The following FER variants were observed in gnomAD, a reference collection of about 807,000 sequenced individuals.
FER encodes tyrosine-protein kinase Fer.
FER carries 63 observed loss-of-function variants against 111.0 expected under a neutral mutation model. That is an observed-to-expected ratio of 0.57 (90% confidence interval 0.46 to 0.70). The LOEUF (loss-of-function observed/expected upper bound fraction) is 0.70, where lower values mean the gene tolerates loss of function less well. Among genes scored for constraint, FER ranks in the 30% least tolerant of loss-of-function variants. The pLI is 0.00. For synonymous variants in FER, 327 were observed against 313.9 expected (o/e 1.04, Z -0.44); for missense variants, 914 against 954.0 (o/e 0.96, Z 0.55).
intron 13 of FER, among the ~76,000 whole-genome samples, chr5:109,007,333 T>A (rs1042583973): frequency 8.5e-5 from 13 of 152,168 alleles, no homozygotes; most frequent in African/African-American, 1.2e-4. Flanking sequence ...ACATTTTACA[T>A]AGAGAAGTGA....
chr5:108,766,121 G>A (rs1035552542), intron 1 of FER, among the ~76,000 whole-genome samples: 2 of 151,886 alleles, frequency 1.3e-5, no homozygotes, highest in African/African-American at 2.4e-5. Flanking sequence ...TTGTAGAGAC[G>A]GGCTCTCACT....
At chr5:108,837,526 C>T (rs1760795195) in intron 5 of FER, among the ~76,000 whole-genome samples, 1 of 152,136 alleles carries the variant, frequency 6.6e-6, no homozygotes, top group Non-Finnish European at 1.5e-5. Flanking sequence ...TGCAAATATC[C>T]ATATCTAACT....
intron 17 of FER, among the ~76,000 whole-genome samples, chr5:109,122,647 G>A (rs186590450): frequency 5.4e-4 from 82 of 152,288 alleles, no homozygotes; most frequent in Non-Finnish European, 7.9e-4. Context: ...TGGATGGTAT[G>A]TCCAATGCGG....
intron 16 of FER, among the ~76,000 whole-genome samples, chr5:109,094,844 G>A (rs985103912): frequency 6.6e-6 from 1 of 152,008 alleles, no homozygotes; most frequent in Admixed American, 6.6e-5. Flanking sequence ...TTCCCTCATC[G>A]GTAATATGAA....
intron 13 of FER, among the ~76,000 whole-genome samples, chr5:108,974,127 A>G (rs1198552815): frequency 6.6e-6 from 1 of 152,214 alleles, no homozygotes; most frequent in Non-Finnish European, 1.5e-5. Flanking sequence ...GTTGCTTAGT[A>G]TATCATAGAA....
At chr5:109,182,296 A>T (rs1468921027) in intron 18 of FER, among the ~76,000 whole-genome samples, 2 of 152,194 alleles carry the variant, frequency 1.3e-5, no homozygotes, top group African/African-American at 2.4e-5. Flanking sequence ...TGACCCAGCT[A>T]CCACAGATGC....
intron 2 of FER, among the ~76,000 whole-genome samples, chr5:108,771,185 C>T (rs559821377): frequency 9.1e-4 from 138 of 152,272 alleles, no homozygotes; most frequent in African/African-American, 3.2e-3. Flanking sequence ...CCACCTGCCT[C>T]GGCCTCCCAA....
intron 5 of FER, among the ~76,000 whole-genome samples, chr5:108,845,067 T>TATACATATATATATATATACACAC (rs1486282738): frequency 1.9e-5 from 1 of 53,856 alleles, no homozygotes; most frequent in Admixed American, 2.1e-4. Flanking sequence ...TATATATATA[T>TATACATATATATATATATACACAC]ACACACACAC....
intron 5 of FER, among the ~76,000 whole-genome samples, chr5:108,860,971 A>G (rs993228519): frequency 1.3e-5 from 2 of 152,176 alleles, no homozygotes; most frequent in African/African-American, 4.8e-5. Context: ...CAAGAACAGC[A>G]TGGGGGTAAA....
chr5:108,822,025 T>C (rs573797995), intron 3 of FER, among the ~76,000 whole-genome samples: 6 of 152,298 alleles, frequency 3.9e-5, no homozygotes, highest in South Asian at 4.1e-4. Context: ...CCCTATCCCC[T>C]GGCAATCATC....
chr5:109,099,773 TAA>T (rs1747998749), intron 16 of FER, among the ~76,000 whole-genome samples: 1 of 151,572 alleles, frequency 6.6e-6, no homozygotes, highest in Non-Finnish European at 1.5e-5. Flanking sequence ...TCTTGGACCA[TAA>T]AGGTTTAAGA....
At chr5:108,908,226 G>A (rs963870879) in intron 10 of FER, among the ~76,000 whole-genome samples, 2 of 152,072 alleles carry the variant, frequency 1.3e-5, no homozygotes, top group African/African-American at 2.4e-5. Flanking sequence ...TTTAATTACC[G>A]GAAAAAGGAA....
intron 5 of FER, among the ~76,000 whole-genome samples, chr5:108,844,079 TATATGCGTGTGAAC>T (rs1301860610): frequency 3.3e-4 from 48 of 144,382 alleles, no homozygotes; most frequent in African/African-American, 1.1e-3. Flanking sequence ...TGTGTGAACA[TATATGCGTGTGAAC>T]ATATGTGTGT....
chr5:108,749,145 T>G (rs1005436161), intron 1 of FER, among the ~76,000 whole-genome samples: 3 of 152,046 alleles, frequency 2.0e-5, no homozygotes, highest in Non-Finnish European at 4.4e-5. Context: ...TTGGGGGCTG[T>G]GCCGAGGCTC....
chr5:109,043,785 A>G (rs923939414), intron 14 of FER, among the ~76,000 whole-genome samples: 1 of 152,172 alleles, frequency 6.6e-6, no homozygotes, highest in African/African-American at 2.4e-5. Flanking sequence ...ATCCTGGCCA[A>G]CATGCTGAAA....
At chr5:108,933,711 C>T (rs187492435) in intron 10 of FER, among the ~76,000 whole-genome samples, 7 of 152,192 alleles carry the variant, frequency 4.6e-5, no homozygotes, top group Admixed American at 1.3e-4. Flanking sequence ...AACATTTTTA[C>T]GATATTGATT....
At chr5:109,112,669 G>A (rs1039865100) in intron 17 of FER, among the ~76,000 whole-genome samples, 4 of 152,038 alleles carry the variant, frequency 2.6e-5, no homozygotes, top group Admixed American at 6.6e-5. Context: ...GGTGTGTTTC[G>A]ACCTTAGTTT....
chr5:108,898,845 A>T (rs1749579816), intron 10 of FER, among the ~76,000 whole-genome samples: 1 of 151,400 alleles, frequency 6.6e-6, no homozygotes, highest in Non-Finnish European at 1.5e-5. Flanking sequence ...GAGATTGGTG[A>T]TGCTGGTAAA....
At chr5:108,927,418 G>A (rs549544774) in intron 10 of FER, among the ~76,000 whole-genome samples, 24 of 151,820 alleles carry the variant, frequency 1.6e-4, no homozygotes, top group East Asian at 3.9e-4. Context: ...CCGCCACCGC[G>A]CCCGGCTAAT....
Sources: gnomAD v4.1 joint callset for allele counts (sites outside exome capture counted in the v4.1 genomes callset) on GRCh38, gnomAD v4.1.1 for gene constraint, MANE v1.5 for transcripts, NCBI Gene and HGNC (gene_info 2026-07-23, HGNC 2026-07-21) for gene names.